Variants in SHC4 observed in about 807,000 individuals in gnomAD.
SHC4 encodes SHC adaptor protein 4, also known as SHC-transforming protein 4.
Under a neutral mutation model 69.4 loss-of-function variants are expected in SHC4, and 41 were observed. The observed-to-expected ratio is 0.59, with a 90% CI of 0.46 to 0.77. SHC4 has a LOEUF of 0.77. SHC4 is among the 30% of genes least tolerant of loss of function. SHC4 has a pLI of 0.00. For synonymous variants in SHC4, 318 were observed against 299.3 expected, an observed-to-expected ratio of 1.06 and a Z score of -0.64; for missense variants, 777 against 783.8, an observed-to-expected ratio of 0.99 and a Z score of 0.10.
At chr15:48,935,312 G>T (rs1407498493) in intron 1 of SHC4, among the ~76,000 whole-genome samples, 1 of 152,144 alleles carries the variant, frequency 6.6e-6, no homozygotes, top group Admixed American at 6.6e-5. Context: ...GAACACCTTT[G>T]TCACACCCCT....
At chr15:48,940,309 T>C (rs1354088772) in intron 1 of SHC4, among the ~76,000 whole-genome samples, 1 of 152,174 alleles carries the variant, frequency 6.6e-6, no homozygotes, top group Non-Finnish European at 1.5e-5. Context: ...AATTGAACAT[T>C]TTTGGGATAT....
At chr15:48,862,058 G>GA (rs1317981120) in intron 6 of SHC4, among the ~76,000 whole-genome samples, 1 of 152,238 alleles carries the variant, frequency 6.6e-6, no homozygotes, top group Middle Eastern at 3.4e-3. Context: ...ACTTTAGGAA[G>GA]AAACAACCTC....
chr15:48,943,042 A>G (rs1567075830), intron 1 of SHC4, among the ~76,000 whole-genome samples: 1 of 152,230 alleles, frequency 6.6e-6, no homozygotes, highest in African/African-American at 2.4e-5. Context: ...GTCTCACTGA[A>G]GAACTGAGAT....
At chr15:48,907,926 T>C (rs1369842766) in intron 2 of SHC4, among the ~76,000 whole-genome samples, 6 of 151,970 alleles carry the variant, frequency 3.9e-5, no homozygotes, top group Admixed American at 3.9e-4. Flanking sequence ...GTTGGTTCCA[T>C]GATTTTGCAG....
At chr15:48,953,379 C>T (rs1214191950) in intron 1 of SHC4, among the ~76,000 whole-genome samples, 2 of 151,980 alleles carry the variant, frequency 1.3e-5, no homozygotes, top group Admixed American at 1.3e-4. Flanking sequence ...CACAAGTTTA[C>T]CTATGTAACA....
chr15:48,912,100 C>A (rs62010880), intron 2 of SHC4, among the ~76,000 whole-genome samples: 19,131 of 152,158 alleles, frequency 0.13, 1,279 homozygotes, highest in African/African-American at 0.14. Context: ...CCCAGGTGTT[C>A]TTTGTGCTTC....
chr15:48,900,627 A>C (rs978476229), intron 2 of SHC4, among the ~76,000 whole-genome samples: 4 of 152,148 alleles, frequency 2.6e-5, no homozygotes, highest in African/African-American at 9.7e-5. Flanking sequence ...AGTGGCCTGC[A>C]TTCTCTCTCT....
At chr15:48,847,773 C>CG (rs967440974) in intron 9 of SHC4, among the ~76,000 whole-genome samples, 1 of 151,982 alleles carries the variant, frequency 6.6e-6, no homozygotes, top group African/African-American at 2.4e-5. Flanking sequence ...GAGGCCAAGG[C>CG]GGGCAGATCA....
chr15:48,825,897 A>T lies in SHC4; in HGVS notation c.*74T>A. On this transcript the variant is annotated 3_prime_UTR_variant, in exon 12 of 12. Coordinates refer to ENST00000332408, the MANE Select transcript of SHC4 (RefSeq NM_203349.4). The stretch of plus-strand genomic sequence containing the variant: ...TGTGCTCTATTTTATCTACAAACAA[A>T]GTTTAAATTATCTTTGTGTCCTAAT... 1 of 1,523,320 alleles carries T rather than the reference A, an allele frequency of 6.6e-7. No homozygotes were observed. Among genetic ancestry groups the T allele is most frequent in the Non-Finnish European group, 8.8e-7 (1 of 1,131,436 alleles). 94.4% of individuals were successfully genotyped at this position (1,523,320 alleles called of 1,614,324 possible).
At chr15:48,922,385 AAT>A (rs1900767213) in intron 2 of SHC4, among the ~76,000 whole-genome samples, 2 of 152,224 alleles carry the variant, frequency 1.3e-5, no homozygotes, top group Non-Finnish European at 1.5e-5. Flanking sequence ...GCTATAACAA[AAT>A]ACCCCAGACT....
At chr15:48,930,097 G>A (rs1293454388) in intron 1 of SHC4, among the ~76,000 whole-genome samples, 2 of 152,032 alleles carry the variant, frequency 1.3e-5, no homozygotes, top group East Asian at 1.9e-4. Flanking sequence ...CTACAAGCAC[G>A]CTACCTAAAG....
chr15:48,890,754 C>CT lies in SHC4; in HGVS notation c.713dup (p.Arg239AlafsTer6), dbSNP rs780691235. 8 of 1,614,202 alleles carry CT rather than the reference C, an allele frequency of 5.0e-6. No individual in the cohort carries two copies. In the South Asian group the frequency reaches 8.8e-5, roughly 18 times the overall value. ...AAACCACATCATCATTTACCTTTCG[C>CT]TTTTTAATGGCTCCATTTGCCCCGG... On this transcript the variant is annotated frameshift_variant, in exon 3 of 12. Transcript: ENST00000332408. LOFTEE classifies it high-confidence loss of function.
chr15:48,837,326 G>C (rs1898917042), intron 10 of SHC4, among the ~76,000 whole-genome samples: 1 of 152,160 alleles, frequency 6.6e-6, no homozygotes, highest in Admixed American at 6.5e-5. Context: ...CTGAAAATCT[G>C]ATTCTGCCAG....
At chr15:48,954,716 C>T (rs1301405355) in intron 1 of SHC4, among the ~76,000 whole-genome samples, 2 of 152,078 alleles carry the variant, frequency 1.3e-5, no homozygotes, top group Non-Finnish European at 2.9e-5. Context: ...GAAAGTATGC[C>T]AAAGGAATGT....
Position 48,871,934 on chromosome 15 carries a change from T to C in SHC4, c.894+155A>G, listed in dbSNP as rs1236722331. ...AGAAAATATTTTATTATCTGCTACATGTAGCTATTCACAGACTGTAATAGT... is the reference window on the plus strand; with the variant it reads ...AGAAAATATTTTATTATCTGCTACACGTAGCTATTCACAGACTGTAATAGT... On this transcript the variant is annotated intron_variant, in intron 5 of 11. Coordinates refer to ENST00000332408, the MANE Select transcript of SHC4 (RefSeq NM_203349.4). The C allele has an allele frequency of 1.3e-5, 7 of 557,832 alleles. No homozygotes were observed. In the East Asian group the frequency reaches 2.1e-4, roughly 17 times the overall value. The allele number at this position is 557,832 out of a possible 1,614,324, so 34.6% of individuals were successfully genotyped here.
chr15:48,914,938 T>C (rs1390353475), intron 2 of SHC4, among the ~76,000 whole-genome samples: 1 of 152,196 alleles, frequency 6.6e-6, no homozygotes, highest in African/African-American at 2.4e-5. Flanking sequence ...ACAGCTACCA[T>C]TCTACTTCCT....
Position 48,908,897 on chromosome 15 carries a change from G to A in SHC4, c.656+15982C>T, listed in dbSNP as rs909775994. On this transcript the variant is annotated intron_variant, in intron 2 of 11. Transcript: ENST00000332408. Reference sequence around the variant, plus strand: ...TTTATTTCTGGGTTTATTCTGTTCCGTTGGTGTATGTGCCTATTTTTATAC... The same window carrying A: ...TTTATTTCTGGGTTTATTCTGTTCCATTGGTGTATGTGCCTATTTTTATAC... 3.9e-5 allele frequency among the ~76,000 whole-genome samples: 6 copies of A among 152,064 alleles called. No individual in the cohort carries two copies. The South Asian group carries it at 6.2e-4, about 16-fold the overall frequency.
At chr15:48,950,447 A>G (rs1212850717) in intron 1 of SHC4, among the ~76,000 whole-genome samples, 1 of 152,090 alleles carries the variant, frequency 6.6e-6, no homozygotes, top group East Asian at 1.9e-4. Flanking sequence ...CTATAGGCAT[A>G]TATCATTTTC....
At position 48,921,387 on chromosome 15, in the gene SHC4, T is replaced by C. The variant is rs140773983; in HGVS notation, c.656+3492A>G. Among the ~76,000 whole-genome samples the C allele has an allele frequency of 7.1e-3, 1,067 of 150,188 alleles. 18 individuals are homozygous for C. Among genetic ancestry groups the C allele is most frequent in the African/African-American group, 0.025 (1,021 of 40,838 alleles). On this transcript the variant is annotated intron_variant, in intron 2 of 11. Coordinates refer to ENST00000332408, the MANE Select transcript of SHC4 (RefSeq NM_203349.4). ...TTTGCTCTTGTTGCCCAGTCTGGAG[T>C]GCAATGGTGCAATCTCGGCTCACTG...
Sources: allele counts gnomAD v4.1 joint callset (sites outside exome capture counted in the v4.1 genomes callset), GRCh38; gene constraint gnomAD v4.1.1; transcripts MANE v1.5; gene names NCBI Gene and HGNC (gene_info 2026-07-23, HGNC 2026-07-21).